The following TAF3 variants were observed in gnomAD, a reference collection of about 807,000 sequenced individuals.
TAF3 encodes TATA-box binding protein associated factor 3, also known as transcription initiation factor TFIID subunit 3.
A neutral mutation model predicts 80.6 loss-of-function variants in TAF3; 7 were observed. The ratio of observed to expected loss-of-function variants is 0.09; its 90% CI spans 0.05 to 0.16. TAF3 has a LOEUF of 0.16. TAF3 is among the 10% of genes least tolerant of loss of function. TAF3 has a pLI of 1.00. For missense variants in TAF3, 921 were observed against 1,140.2 expected, an observed-to-expected ratio of 0.81 and a Z score of 2.77; for synonymous variants, 444 against 446.1, an observed-to-expected ratio of 1.00 and a Z score of 0.06.
chr10:7,900,692 A>G (rs1317951222), intron 2 of TAF3, among the ~76,000 whole-genome samples: 1 of 152,202 alleles, frequency 6.6e-6, no homozygotes, highest in African/African-American at 2.4e-5. Context: ...TTTTATTTCT[A>G]AAACACATTT....
chr10:7,925,805 A>AAAG (rs1344313842), intron 2 of TAF3, among the ~76,000 whole-genome samples: 2 of 143,568 alleles, frequency 1.4e-5, no homozygotes, highest in East Asian at 2.2e-4. Context: ...TCTCAAAAAA[A>AAAG]AAAAAAAGAA....
intron 2 of TAF3, among the ~76,000 whole-genome samples, chr10:7,894,502 T>C (rs774146794): frequency 2.0e-5 from 3 of 152,240 alleles, no homozygotes; most frequent in Non-Finnish European, 4.4e-5. Context: ...GATCGATTCC[T>C]AGATGGTGAC....
At chr10:7,877,028 C>CTTT (rs34794475) in intron 2 of TAF3, among the ~76,000 whole-genome samples, 3 of 145,416 alleles carry the variant, frequency 2.1e-5, no homozygotes, top group Non-Finnish European at 3.0e-5. Context: ...CTGCTCACTA[C>CTTT]TTTTTTTTTT....
At chr10:7,885,249 G>GACACACAC (rs71385678) in intron 2 of TAF3, among the ~76,000 whole-genome samples, 1 of 148,604 alleles carries the variant, frequency 6.7e-6, no homozygotes, top group Non-Finnish European at 1.5e-5. Flanking sequence ...TATAAATTTT[G>GACACACAC]ACACACACAC....
At chr10:7,847,809 C>G (rs1255761087) in intron 2 of TAF3, among the ~76,000 whole-genome samples, 1 of 151,956 alleles carries the variant, frequency 6.6e-6, no homozygotes, top group Non-Finnish European at 1.5e-5. Context: ...GCTCTGTCTT[C>G]CAGGCTGGAG....
intron 2 of TAF3, among the ~76,000 whole-genome samples, chr10:7,933,055 A>G (rs1242113379): frequency 6.6e-6 from 1 of 151,504 alleles, no homozygotes. Flanking sequence ...GTTGGATATA[A>G]TAGCCTACTG....
intron 2 of TAF3, among the ~76,000 whole-genome samples, chr10:7,878,395 C>T (rs1334985858): frequency 6.6e-6 from 1 of 152,118 alleles, no homozygotes; most frequent in East Asian, 1.9e-4. Context: ...CCTCAGAGCA[C>T]TTCTGCTCTT....
chr10:7,903,642 A>G (rs73616056), intron 2 of TAF3, among the ~76,000 whole-genome samples: 56 of 152,362 alleles, frequency 3.7e-4, no homozygotes, highest in African/African-American at 1.3e-3. Context: ...ATTGCACCAT[A>G]TATGAAAAAT....
chr10:7,933,674 G>T (rs1837889981), intron 2 of TAF3, among the ~76,000 whole-genome samples: 1 of 152,174 alleles, frequency 6.6e-6, no homozygotes, highest in Admixed American at 6.5e-5. Flanking sequence ...ACACATCAGT[G>T]CTGTCTTTCA....
intron 2 of TAF3, among the ~76,000 whole-genome samples, chr10:7,895,844 A>G (rs2131166800): frequency 6.6e-6 from 1 of 152,336 alleles, no homozygotes; most frequent in East Asian, 1.9e-4. Context: ...TCTGGCGTTC[A>G]GTAGGCATTC....
chr10:7,943,007 T>C (rs1031549077), intron 2 of TAF3, among the ~76,000 whole-genome samples: 13 of 152,182 alleles, frequency 8.5e-5, no homozygotes, highest in African/African-American at 3.1e-4. Context: ...CTCTCCTGAG[T>C]TGCTACAGTT....
chr10:7,885,578 C>G (rs917418945), intron 2 of TAF3, among the ~76,000 whole-genome samples: 1 of 152,182 alleles, frequency 6.6e-6, no homozygotes, highest in African/African-American at 2.4e-5. Flanking sequence ...TTAGTTTCTG[C>G]TTTATCCTTC....
rs923379805 is a variant in TAF3 at position 7,882,190 on chromosome 10, T to C, written c.409+57630T>C. Among the ~76,000 whole-genome samples the C allele has an allele frequency of 7.2e-5, 11 of 152,368 alleles. No individual in the cohort carries two copies. The East Asian group carries it at 1.2e-3, about 16-fold the overall frequency. ...TCAAATTTTGGAAGGTTTTATCTAA[T>C]CTGTGGCTTAGTGCAGAGATCATCT... On this transcript the variant is annotated intron_variant, in intron 2 of 6. Transcript: ENST00000344293.
intron 2 of TAF3, among the ~76,000 whole-genome samples, chr10:7,866,819 T>G (rs1234778811): frequency 6.6e-6 from 1 of 152,104 alleles, no homozygotes; most frequent in East Asian, 1.9e-4. Flanking sequence ...AAAGCTTAGG[T>G]TGAAAACAAA....
At chr10:7,838,605 C>CT (rs1355618718) in intron 2 of TAF3, among the ~76,000 whole-genome samples, 1 of 152,196 alleles carries the variant, frequency 6.6e-6, no homozygotes, top group Non-Finnish European at 1.5e-5. Context: ...TGGTCTCAAA[C>CT]TCCTGACCTC....
chr10:7,981,501 A>G (rs897448244), intron 4 of TAF3, among the ~76,000 whole-genome samples: 4 of 152,266 alleles, frequency 2.6e-5, no homozygotes, highest in African/African-American at 4.8e-5. Flanking sequence ...GATGCCTTTC[A>G]GAGAACAATA....
intron 2 of TAF3, among the ~76,000 whole-genome samples, chr10:7,865,558 G>A (rs1837204396): frequency 6.6e-6 from 1 of 152,198 alleles, no homozygotes; most frequent in African/African-American, 2.4e-5. Flanking sequence ...GGTGCGTGCT[G>A]AGCTGTGTGG....
chr10:8,008,967 GA>G, intron 4 of TAF3, 110 bp from the exon 5 acceptor site: 1 of 1,420,762 alleles, frequency 7.0e-7, no homozygotes, highest in Non-Finnish European at 9.5e-7. Context: ...TCTAGACGTT[GA>G]AGTATTTCGC....
At chr10:7,915,568 G>A (rs1339393297) in intron 2 of TAF3, among the ~76,000 whole-genome samples, 2 of 151,086 alleles carry the variant, frequency 1.3e-5, no homozygotes, top group South Asian at 2.1e-4. Flanking sequence ...GTGTGAACCC[G>A]GGAGGCGGAT....
Sources: allele counts gnomAD v4.1 joint callset (sites outside exome capture counted in the v4.1 genomes callset), GRCh38; gene constraint gnomAD v4.1.1; transcripts MANE v1.5; gene names NCBI Gene and HGNC (gene_info 2026-07-23, HGNC 2026-07-21).